The following ROBO2 variants were observed in gnomAD, a reference collection of about 807,000 sequenced individuals.
ROBO2 encodes the protein roundabout homolog 2.
In ROBO2, 53 loss-of-function variants were observed where a neutral mutation model predicts 160.8. That is an observed-to-expected ratio of 0.33 (90% confidence interval 0.26 to 0.41). The LOEUF (loss-of-function observed/expected upper bound fraction) is 0.41, where lower values mean the gene tolerates loss of function less well. Among genes scored for constraint, ROBO2 ranks in the 10% least tolerant of loss-of-function variants. The pLI is 1.00. For missense variants in ROBO2, 1,577 were observed against 1,722.4 expected, an observed-to-expected ratio of 0.92 and a Z score of 1.49; for synonymous variants, 664 against 611.7, an observed-to-expected ratio of 1.09 and a Z score of -1.26.
chr3:77,480,915 G>A (rs2084610409), intron 3 of ROBO2, among the ~76,000 whole-genome samples, 184 bp from the exon 4 acceptor site: 1 of 152,116 alleles, frequency 6.6e-6, no homozygotes, highest in Non-Finnish European at 1.5e-5. Flanking sequence ...AGAAAGTATG[G>A]AAACTTACAT....
chr3:77,320,828 T>A (rs1010388751), intron 2 of ROBO2, among the ~76,000 whole-genome samples: 16 of 152,332 alleles, frequency 1.1e-4, no homozygotes, highest in Admixed American at 4.6e-4. Context: ...TAAAACATTA[T>A]CTGATATGTG....
intron 2 of ROBO2, among the ~76,000 whole-genome samples, chr3:76,633,731 A>G (rs1298963480): frequency 1.3e-5 from 2 of 152,360 alleles, no homozygotes; most frequent in South Asian, 2.1e-4. Context: ...CAACAATTCT[A>G]TGACGTAGAT....
At chr3:76,053,326 G>C (rs1240369887) in intron 2 of ROBO2, among the ~76,000 whole-genome samples, 1 of 151,972 alleles carries the variant, frequency 6.6e-6, no homozygotes, top group East Asian at 1.9e-4. Context: ...GTTATTTCTA[G>C]AGTTAAATTT....
At chr3:76,457,069 C>A (rs1474652788) in intron 2 of ROBO2, among the ~76,000 whole-genome samples, 1 of 152,106 alleles carries the variant, frequency 6.6e-6, no homozygotes, top group Non-Finnish European at 1.5e-5. Context: ...CTGTCCCTGG[C>A]CCATCCAAAT....
chr3:76,216,931 G>A (rs1186027095), intron 2 of ROBO2, among the ~76,000 whole-genome samples: 2 of 152,134 alleles, frequency 1.3e-5, no homozygotes, highest in African/African-American at 4.8e-5. Flanking sequence ...CTCAGCAAAT[G>A]TAAAAGAACA....
intron 2 of ROBO2, among the ~76,000 whole-genome samples, chr3:77,469,463 C>G (rs1329971472): frequency 6.6e-6 from 1 of 151,896 alleles, no homozygotes; most frequent in African/African-American, 2.4e-5. Context: ...CCTATGGTAA[C>G]TGGTGGTGGT....
In ROBO2 at chr3:77,101,122, T is replaced by C. The variant is rs200271788; in HGVS notation, c.388+2782T>C. Among the ~76,000 whole-genome samples the C allele has an allele frequency of 2.0e-5, 3 of 152,314 alleles. No individual in the cohort carries two copies. The East Asian group carries it at 5.8e-4, about 29-fold the overall frequency. ...GAAGATTGCATTAAAGGTATGATGA[T>C]TGAAGTCAGAGAGGCATTAAGTAGC... On this transcript the variant is annotated intron_variant, in intron 2 of 25. Transcript: ENST00000461745.
chr3:75,959,432 A>C (rs1052543244), intron 2 of ROBO2, among the ~76,000 whole-genome samples: 1 of 151,782 alleles, frequency 6.6e-6, no homozygotes, highest in Non-Finnish European at 1.5e-5. Flanking sequence ...AGGGTTGAGC[A>C]GGTTTTCCTA....
intron 2 of ROBO2, among the ~76,000 whole-genome samples, chr3:76,934,208 T>A (rs59045350): frequency 8.3e-4 from 121 of 146,040 alleles, no homozygotes; most frequent in Non-Finnish European, 9.3e-4. Context: ...AGATCGAAAA[T>A]AGAAAAAAAA....
intron 2 of ROBO2, among the ~76,000 whole-genome samples, chr3:76,021,496 G>A (rs996992866): frequency 5.3e-5 from 8 of 151,516 alleles, no homozygotes; most frequent in South Asian, 2.1e-4. Flanking sequence ...GTAGAATTAC[G>A]TCCCTATTAT....
At chr3:76,665,513 C>T (rs1358724690) in intron 2 of ROBO2, among the ~76,000 whole-genome samples, 1 of 151,876 alleles carries the variant, frequency 6.6e-6, no homozygotes, top group East Asian at 1.9e-4. Context: ...GCACCTCCTA[C>T]ATCCATCCTC....
In ROBO2 at chr3:77,241,181, A is replaced by G. The variant is rs966548353; in HGVS notation, c.388+142841A>G. Among the ~76,000 whole-genome samples, 4 of 152,240 alleles carry G rather than the reference A, an allele frequency of 2.6e-5. No homozygotes were observed. The South Asian group carries it at 6.2e-4, about 24-fold the overall frequency. Reference sequence around the variant, plus strand: ...GTCCAGTGACATATTGTAGACATATACATTCACTGAACTTATTACTGGTTG... The same window carrying G: ...GTCCAGTGACATATTGTAGACATATGCATTCACTGAACTTATTACTGGTTG... On this transcript the variant is annotated intron_variant, in intron 2 of 25. Transcript: ENST00000461745.
chr3:77,600,108 G>C (rs943394721), intron 19 of ROBO2, among the ~76,000 whole-genome samples: 1 of 152,150 alleles, frequency 6.6e-6, no homozygotes, highest in Non-Finnish European at 1.5e-5. Context: ...TTAAGGACTG[G>C]TAGGTGGGGA....
At chr3:76,782,232 C>A (rs572925562) in intron 2 of ROBO2, among the ~76,000 whole-genome samples, 133 of 150,708 alleles carry the variant, frequency 8.8e-4, no homozygotes, top group African/African-American at 2.9e-3. Flanking sequence ...TAGTTTCATA[C>A]CGTTATGGTA....
At chr3:76,704,091 CTT>C (rs2093106364) in intron 2 of ROBO2, among the ~76,000 whole-genome samples, 1 of 151,766 alleles carries the variant, frequency 6.6e-6, no homozygotes, top group Non-Finnish European at 1.5e-5. Flanking sequence ...CTTCTAACAA[CTT>C]ATTCTTTTGT....
At chr3:76,242,336 G>A (rs1705340240) in intron 2 of ROBO2, among the ~76,000 whole-genome samples, 1 of 152,112 alleles carries the variant, frequency 6.6e-6, no homozygotes, top group Admixed American at 6.5e-5. Flanking sequence ...TTCACCCTAT[G>A]GAGCGGGGCA....
intron 2 of ROBO2, among the ~76,000 whole-genome samples, chr3:76,689,714 G>T (rs977722055): frequency 1.3e-5 from 2 of 152,134 alleles, no homozygotes; most frequent in African/African-American, 4.8e-5. Context: ...CATACGGAAA[G>T]CTTTCCAGTA....
rs140079560 is a variant in ROBO2 at position 76,929,989 on chromosome 3, C to T, written c.110-168025C>T. 7.0e-4 allele frequency among the ~76,000 whole-genome samples: 106 copies of T among 152,284 alleles called. 2 individuals are homozygous for T. The East Asian group carries it at 0.018, about 26-fold the overall frequency. On this transcript the variant is annotated intron_variant, in intron 2 of 26. Coordinates refer to the ROBO2 transcript ENST00000487694. ...CTGTTCTTTATACATGTCACACTTG[C>T]TTTCATCTTCTTGTATATTACTTTG...
intron 2 of ROBO2, among the ~76,000 whole-genome samples, chr3:76,484,964 C>T (rs2079413689): frequency 6.6e-6 from 1 of 151,994 alleles, no homozygotes; most frequent in Admixed American, 6.6e-5. Flanking sequence ...GCTTTTCATT[C>T]TTTATGTCCT....
Sources: gnomAD v4.1 joint callset for allele counts (sites outside exome capture counted in the v4.1 genomes callset) on GRCh38, gnomAD v4.1.1 for gene constraint, MANE v1.5 for transcripts, NCBI Gene and HGNC (gene_info 2026-07-23, HGNC 2026-07-21) for gene names.